Variants in LRMDA observed in about 807,000 individuals in gnomAD.
LRMDA encodes the protein leucine rich melanocyte differentiation associated.
A neutral mutation model predicts 29.8 loss-of-function variants in LRMDA; 18 were observed. That is an observed-to-expected ratio of 0.60 (90% CI 0.42 to 0.90). The LOEUF (loss-of-function observed/expected upper bound fraction) is 0.90, where lower values mean the gene tolerates loss of function less well. Ranked by LOEUF, LRMDA falls within the 40% of genes least tolerant of loss-of-function variation. The probability of loss-of-function intolerance (pLI) is 0.00; values close to 1 mark genes in which losing one functional copy is unlikely to be tolerated. For synonymous variants in LRMDA, 125 were observed against 109.4 expected, an observed-to-expected ratio of 1.14 and a Z score of -0.89; for missense variants, 273 against 273.9, an observed-to-expected ratio of 1.00 and a Z score of 0.02.
intron 6 of LRMDA, among the ~76,000 whole-genome samples, chr10:76,410,724 G>T (rs947116832): frequency 4.6e-5 from 7 of 152,130 alleles, no homozygotes; most frequent in African/African-American, 7.2e-5. Flanking sequence ...GAGGCCAAGG[G>T]GGGTGGATCA....
chr10:75,642,351 T>C (rs1470601931), intron 2 of LRMDA: 2 of 152,124 alleles, frequency 1.3e-5, no homozygotes, highest in East Asian at 3.8e-4. Context: ...AACTGGGGGA[T>C]TGTTGATACT....
intron 5 of LRMDA, among the ~76,000 whole-genome samples, chr10:76,227,715 A>G (rs1473016491): frequency 6.6e-6 from 1 of 152,212 alleles, no homozygotes; most frequent in Non-Finnish European, 1.5e-5. Flanking sequence ...AGTCTCTCAT[A>G]GTATGTCCTA....
At chr10:76,147,578 C>G (rs1384696622) in intron 5 of LRMDA, among the ~76,000 whole-genome samples, 2 of 151,978 alleles carry the variant, frequency 1.3e-5, no homozygotes, top group Non-Finnish European at 2.9e-5. Flanking sequence ...TTCTAGTTAT[C>G]CATTCGTCTA....
chr10:75,798,920 A>C lies in LRMDA; in HGVS notation c.132-237088A>C, dbSNP rs1008781112. ...AAAACTTAAAAAGAATTTAATTTAGATATTTATTAGGACTTATTTTAATTA... is the reference window on the plus strand; with the variant it reads ...AAAACTTAAAAAGAATTTAATTTAGCTATTTATTAGGACTTATTTTAATTA... On this transcript the variant is annotated intron_variant, in intron 2 of 6. Coordinates refer to ENST00000611255, the MANE Select transcript of LRMDA (RefSeq NM_001305581.2). 1.3e-5 allele frequency among the ~76,000 whole-genome samples: 2 copies of C among 152,180 alleles called. 1 individual carries two copies. The highest frequency in any genetic ancestry group is 4.1e-4 in the South Asian group (2 of 4,834).
chr10:75,799,017 G>T (rs907583759), intron 2 of LRMDA, among the ~76,000 whole-genome samples: 1 of 152,054 alleles, frequency 6.6e-6, no homozygotes, highest in Non-Finnish European at 1.5e-5. Context: ...GCAATTTTTG[G>T]ATATAGTGTT....
At chr10:76,442,700 AT>A (rs1258404802) in intron 6 of LRMDA, among the ~76,000 whole-genome samples, 14 of 152,148 alleles carry the variant, frequency 9.2e-5, no homozygotes, top group Admixed American at 9.2e-4. Flanking sequence ...AAAAACCCCC[AT>A]AAAAACCAAT....
At chr10:76,001,029 C>G (rs1241479795) in intron 2 of LRMDA, among the ~76,000 whole-genome samples, 1 of 152,208 alleles carries the variant, frequency 6.6e-6, no homozygotes, top group East Asian at 1.9e-4. Flanking sequence ...AGTCATATAA[C>G]TTGCCCATAG....
At chr10:76,496,115 A>T (rs750946) in intron 6 of LRMDA, among the ~76,000 whole-genome samples, 1 of 75,214 alleles carries the variant, frequency 1.3e-5, no homozygotes, top group East Asian at 2.5e-4. Context: ...TGGGTCTTGT[A>T]CCCAGTGCAC....
At chr10:75,463,287 T>A (rs913969942) in intron 2 of LRMDA, among the ~76,000 whole-genome samples, 3 of 152,134 alleles carry the variant, frequency 2.0e-5, no homozygotes, top group African/African-American at 7.2e-5. Flanking sequence ...CAGTGTCTAA[T>A]TCTGTAGGTC....
intron 5 of LRMDA, among the ~76,000 whole-genome samples, chr10:76,224,029 A>G (rs1177232272): frequency 3.9e-5 from 6 of 152,152 alleles, no homozygotes; most frequent in Admixed American, 3.9e-4. Context: ...TTATGTCTAC[A>G]TAAGTTAGGG....
intron 5 of LRMDA, among the ~76,000 whole-genome samples, chr10:76,216,229 G>A (rs1312697019): frequency 1.3e-5 from 2 of 152,194 alleles, no homozygotes; most frequent in East Asian, 3.9e-4. Flanking sequence ...GGTGGCATGT[G>A]CCTGTTGTCC....
At chr10:75,554,361 G>C in intron 2 of LRMDA, among the ~76,000 whole-genome samples, 1 of 152,208 alleles carries the variant, frequency 6.6e-6, no homozygotes, top group Non-Finnish European at 1.5e-5. Flanking sequence ...TACTGCAGAA[G>C]AGAAATGATG....
chr10:76,308,799 T>C (rs945755996), intron 5 of LRMDA, among the ~76,000 whole-genome samples: 2 of 152,224 alleles, frequency 1.3e-5, no homozygotes, highest in African/African-American at 4.8e-5. Flanking sequence ...ATATAATTTC[T>C]AAGTCACTTG....
In LRMDA at chr10:76,302,534, G is replaced by A. The variant is rs775215375; in HGVS notation, c.517-21867G>A. On this transcript the variant is annotated intron_variant, in intron 5 of 6. Coordinates refer to ENST00000611255, the MANE Select transcript of LRMDA (RefSeq NM_001305581.2). The stretch of plus-strand genomic sequence containing the variant: ...TTCACGCTTGGTTTCTTTTTTTTGG[G>A]GGGTGGTGGTGGGGATTCTGTTTTC... Among the ~76,000 whole-genome samples the A allele has an allele frequency of 5.3e-4, 80 of 152,042 alleles. 1 individual carries two copies. Among genetic ancestry groups the A allele is most frequent in the Non-Finnish European group, 9.1e-4 (62 of 68,010 alleles).
chr10:76,317,649 C>A (rs1260606245), intron 5 of LRMDA, among the ~76,000 whole-genome samples: 10 of 152,206 alleles, frequency 6.6e-5, no homozygotes, highest in African/African-American at 2.2e-4. Flanking sequence ...TCTCAGCTCA[C>A]TGCAACCTCT....
rs1174024731 is a variant in LRMDA, at chr10:76,340,515, C to CAAAAAA, written c.601+16047_601+16052dup. ...TAGGTGACAGAGTGAGAACCTGTAT[C>CAAAAAA]AAAAAAAAAAAAAAAAAAAAAAGAG... is the stretch of plus-strand genomic sequence containing the variant. On this transcript the variant is annotated intron_variant, in intron 6 of 6. Coordinates refer to ENST00000611255, the MANE Select transcript of LRMDA (RefSeq NM_001305581.2). 1.7e-3 allele frequency among the ~76,000 whole-genome samples: 131 copies of CAAAAAA among 75,658 alleles called. 1 individual carries two copies. The highest frequency in any genetic ancestry group is 4.8e-3 in the African/African-American group (85 of 17,846). The allele number at this position is 75,658 out of a possible 152,430, so 49.6% of individuals were successfully genotyped here.
At chr10:75,999,137 T>A (rs146335612) in intron 2 of LRMDA, among the ~76,000 whole-genome samples, 1 of 152,332 alleles carries the variant, frequency 6.6e-6, no homozygotes, top group East Asian at 1.9e-4. Flanking sequence ...CTGGTGGGAC[T>A]GTTGGGAGAG....
intron 6 of LRMDA, among the ~76,000 whole-genome samples, chr10:76,400,038 G>A (rs533033041): frequency 3.3e-5 from 5 of 152,138 alleles, no homozygotes; most frequent in South Asian, 2.1e-4. Flanking sequence ...GCAGATTATC[G>A]AAAAAAGTAA....
At chr10:76,049,758 T>C (rs1159410302) in intron 4 of LRMDA, among the ~76,000 whole-genome samples, 5 of 152,206 alleles carry the variant, frequency 3.3e-5, no homozygotes, top group Admixed American at 1.3e-4. Context: ...TGCCTTTTTT[T>C]TCTTTTGGTA....
Sources: allele counts gnomAD v4.1 joint callset (sites outside exome capture counted in the v4.1 genomes callset), GRCh38; gene constraint gnomAD v4.1.1; transcripts MANE v1.5; gene names NCBI Gene and HGNC (gene_info 2026-07-23, HGNC 2026-07-21).